The following ZNF518A variants were observed in gnomAD, a reference collection of about 807,000 sequenced individuals.
The protein encoded by ZNF518A is zinc finger protein 518A, also known as zinc finger protein 518.
A neutral mutation model predicts 102.7 loss-of-function variants in ZNF518A; 47 were observed. That is an observed-to-expected ratio of 0.46 (90% confidence interval 0.36 to 0.58). The LOEUF (loss-of-function observed/expected upper bound fraction) is 0.58, where lower values mean the gene tolerates loss of function less well. Among genes scored for constraint, ZNF518A ranks in the 20% least tolerant of loss-of-function variants. ZNF518A has a pLI of 0.00. For missense variants in ZNF518A, 1,793 were observed against 1,699.8 expected, an observed-to-expected ratio of 1.05 and a Z score of -0.96; for synonymous variants, 652 against 594.6, an observed-to-expected ratio of 1.10 and a Z score of -1.40.
chr10:96,173,779 C>T (rs10882735), intron 1 of ZNF518A, among the ~76,000 whole-genome samples: 46,531 of 151,968 alleles, frequency 0.31, 8,223 homozygotes, highest in East Asian at 0.66. Context: ...ACTAGATCTA[C>T]TACATCTATG....
At chr10:96,132,765 A>C (rs782303988) in intron 2 of ZNF518A, 95 bp downstream of exon 2, 1 of 152,088 alleles carries the variant, frequency 6.6e-6, no homozygotes, top group Non-Finnish European at 1.5e-5. Context: ...ATATAGGTTA[A>C]GTATCCCAAA....
exon 3 of ZNF518A, chr10:96,204,070 G>A (rs782739127): frequency 1.2e-6 from 2 of 1,613,776 alleles, no homozygotes; most frequent in Non-Finnish European, 1.7e-6. Flanking sequence ...GCAGAGGTAT[G>A]GGTTTTTGGT....
rs1591135214 is a variant in ZNF518A at position 96,141,286 on chromosome 10, CTATTCTTTAAGTGGATACTCAG to C, written c.-302+7639_-302+7660del. Among the ~76,000 whole-genome samples, 3 of 152,034 alleles carry C rather than the reference CTATTCTTTAAGTGGATACTCAG, an allele frequency of 2.0e-5. No individual in the cohort carries two copies. In the East Asian group the frequency reaches 5.8e-4, roughly 30 times the overall value. On this transcript the variant is annotated intron_variant, in intron 3 of 5. Transcript: ENST00000316045. ...ATTTGTAATAAATGGTGAGCACTGG[CTATTCTTTAAGTGGATACTCAG>C]AGAAAGGAGAGATTTAGTGTGTATT...
chr10:96,169,791 T>C (rs2083162892), intron 1 of ZNF518A, among the ~76,000 whole-genome samples: 1 of 152,242 alleles, frequency 6.6e-6, no homozygotes, highest in East Asian at 1.9e-4. Flanking sequence ...AATCAGATTC[T>C]CCCCTCCAAC....
At chr10:96,140,619 C>T (rs1554876172) in intron 3 of ZNF518A, among the ~76,000 whole-genome samples, 1 of 152,028 alleles carries the variant, frequency 6.6e-6, no homozygotes, top group African/African-American at 2.4e-5. Flanking sequence ...ATTTTTCTCC[C>T]AATTCCTACC....
chr10:96,174,240 A>G (rs1164369469), intron 1 of ZNF518A, among the ~76,000 whole-genome samples: 1 of 152,100 alleles, frequency 6.6e-6, no homozygotes, highest in Non-Finnish European at 1.5e-5. Context: ...TTAATAGCAT[A>G]ACTTTATACT....
chr10:96,141,781 T>C (rs1441178287), intron 3 of ZNF518A, among the ~76,000 whole-genome samples: 1 of 149,812 alleles, frequency 6.7e-6, no homozygotes, highest in Non-Finnish European at 1.5e-5. Flanking sequence ...AGGGTCTAGC[T>C]CTGTTGGTCT....
chr10:96,166,535 G>A (rs1554890387), downstream of ZNF518A, among the ~76,000 whole-genome samples: 1 of 152,084 alleles, frequency 6.6e-6, no homozygotes, highest in African/African-American at 2.4e-5. Flanking sequence ...CTGGGAGGCC[G>A]AGACGGGCGG....
At chr10:96,189,612 C>T (rs1481210897) in intron 1 of ZNF518A, 1 of 698,484 alleles carries the variant, frequency 1.4e-6, no homozygotes, top group Non-Finnish European at 2.7e-6. Flanking sequence ...TGAGTGTTTT[C>T]TATTCTGATT....
intron 3 of ZNF518A, among the ~76,000 whole-genome samples, chr10:96,145,399 A>G (rs1426914279): frequency 2.6e-5 from 4 of 152,210 alleles, no homozygotes; most frequent in African/African-American, 4.8e-5. Context: ...ACAACACTGC[A>G]TACATAACTG....
At position 96,163,300 on chromosome 10, in the gene ZNF518A, A is replaced by G. The variant is rs1220754863; in HGVS notation, c.*2526A>G. On this transcript the variant is annotated 3_prime_UTR_variant, in exon 6 of 6. Transcript: ENST00000316045. ...TTGCCATTGCAGAAAATCCAAAACA[A>G]AAGCCTGTATCCTTTATTTTTTGTG... The G allele has an allele frequency of 6.3e-6, 1 of 158,206 alleles. No individual in the cohort carries two copies. The highest frequency in any genetic ancestry group is 1.6e-5 in the Non-Finnish European group (1 of 64,462). The allele number at this position is 158,206 out of a possible 1,614,324, so 9.8% of individuals were successfully genotyped here. A position where few individuals can be genotyped will look rare whatever the true frequency, so the allele number is the denominator to read the frequency against.
chr10:96,158,902 A>G lies in ZNF518A; in HGVS notation c.2580A>G (p.Gly860=). ...CAAATGATTTGAATTTGAAATTTGGAAAAGAAAAACAAGTGTCATCAATAC... is the reference window on the plus strand; with the variant it reads ...CAAATGATTTGAATTTGAAATTTGGGAAAGAAAAACAAGTGTCATCAATAC... ...VPTNDLNLKF[G]KEKQVSSIPQ... The change falls in exon 6 of 6, where the codon GGA becomes GGG. Residue 860 remains glycine, a synonymous_variant. Transcript: ENST00000316045. The G allele has an allele frequency of 6.2e-7, 1 of 1,613,722 alleles. No homozygotes were observed. Among genetic ancestry groups the G allele is most frequent in the Non-Finnish European group, 8.5e-7 (1 of 1,179,712 alleles).
intron 3 of ZNF518A, among the ~76,000 whole-genome samples, chr10:96,140,369 A>G (rs782531696): frequency 3.3e-5 from 5 of 152,156 alleles, no homozygotes; most frequent in Non-Finnish European, 5.9e-5. Flanking sequence ...TAAACCATTT[A>G]TATTATTTTC....
rs1279767904 is a variant in ZNF518A at position 96,192,016 on chromosome 10, G to A, written n.36-11558G>A. On this transcript the variant is annotated intron_variant and non_coding_transcript_variant, in intron 1 of 2. Coordinates refer to the ZNF518A transcript ENST00000442635. ...ATACTTCAGTCTGGTGGAATCTTTT[G>A]TGTTATTCTGACTGTCAATAAGAAC... 17 of 1,613,602 alleles carry A rather than the reference G, an allele frequency of 1.1e-5. No homozygotes were observed. Among genetic ancestry groups the A allele is most frequent in the Non-Finnish European group, 1.3e-5 (15 of 1,179,742 alleles).
chr10:96,186,192 C>A (rs191277745), intron 1 of ZNF518A, among the ~76,000 whole-genome samples: 1 of 152,174 alleles, frequency 6.6e-6, no homozygotes, highest in Non-Finnish European at 1.5e-5. Context: ...TGAGGCAATG[C>A]CCCACCCTGC....
intron 3 of ZNF518A, among the ~76,000 whole-genome samples, chr10:96,149,998 G>A (rs587598205): frequency 6.6e-6 from 1 of 151,818 alleles, no homozygotes; most frequent in South Asian, 2.1e-4. Context: ...TTGTCTTCTC[G>A]TGTTTAGAGT....
Position 96,161,325 on chromosome 10 carries a change from C to T in ZNF518A, c.*551C>T, listed in dbSNP as rs1591256575. 1 of 167,076 alleles carries T rather than the reference C, an allele frequency of 6.0e-6. No homozygotes were observed. The allele number at this position is 167,076 out of a possible 1,614,324, so 10.3% of individuals were successfully genotyped here. On this transcript the variant is annotated 3_prime_UTR_variant, in exon 6 of 6. Coordinates refer to ENST00000316045, the MANE Select transcript of ZNF518A (RefSeq NM_001330736.2). The stretch of plus-strand genomic sequence containing the variant: ...CCTTGAAAGTACATTTAACTCACTA[C>T]AGTTACACCTCATACAATGCTTGAA...
In ZNF518A at chr10:96,156,415, G is replaced by C; in HGVS notation, c.93G>C (p.Ser31=). 6.2e-7 allele frequency: 1 copy of C among 1,612,172 alleles called. No homozygotes were observed. Among genetic ancestry groups the C allele is most frequent in the Non-Finnish European group, 8.5e-7 (1 of 1,179,352 alleles). ...YDVKNEIVDR[S]APKPKISGSI... is the part of the protein sequence containing the mutation. ...TGAAAAATGAGATAGTTGATAGGTC[G>C]GCACCTAAACCAAAAATTTCAGGAA... Residue 31 remains serine, a synonymous_variant, in exon 6 of 6, where the codon TCG becomes TCC. Coordinates refer to ENST00000316045, the MANE Select transcript of ZNF518A (RefSeq NM_001330736.2).
intron 3 of ZNF518A, among the ~76,000 whole-genome samples, chr10:96,146,072 A>G (rs587667186): frequency 1.3e-5 from 2 of 152,252 alleles, no homozygotes; most frequent in Admixed American, 1.3e-4. Context: ...CAGTATTTGA[A>G]CAAATTAAAC....
Sources: allele counts gnomAD v4.1 joint callset (sites outside exome capture counted in the v4.1 genomes callset), GRCh38; gene constraint gnomAD v4.1.1; transcripts MANE v1.5; gene names NCBI Gene and HGNC (gene_info 2026-07-23, HGNC 2026-07-21).